The following EDA variants were observed in gnomAD, a reference collection of about 807,000 sequenced individuals.
EDA encodes the protein ectodysplasin-A.
A neutral mutation model predicts 23.6 loss-of-function variants in EDA; 2 were observed. The observed-to-expected ratio is 0.08, with a 90% CI of 0.03 to 0.27. The LOEUF (loss-of-function observed/expected upper bound fraction) is 0.27. EDA is among the 10% of genes least tolerant of loss of function. EDA has a pLI of 1.00. For missense variants in EDA, 229 were observed against 324.2 expected, an observed-to-expected ratio of 0.71 and a Z score of 2.26; for synonymous variants, 131 against 132.0, an observed-to-expected ratio of 0.99 and a Z score of 0.05.
chrX:69,757,727 C>T (rs1040561534), intron 1 of EDA, among the ~76,000 whole-genome samples: 3 of 111,757 alleles, frequency 2.7e-5, no homozygotes, highest in African/African-American at 9.8e-5. Context: ...TGTGTCAAGA[C>T]GTCATTTTAA....
chrX:69,715,901 A>G (rs1172340339), intron 1 of EDA, among the ~76,000 whole-genome samples: 3 of 110,984 alleles, frequency 2.7e-5, no homozygotes, highest in African/African-American at 9.8e-5. Context: ...GTGTCTGTTC[A>G]TGTCCTTTGC....
intron 1 of EDA, among the ~76,000 whole-genome samples, chrX:69,648,392 G>A (rs1050246377): frequency 2.7e-5 from 3 of 112,114 alleles, no homozygotes; most frequent in South Asian, 7.5e-4. Flanking sequence ...CCTGGCTGCA[G>A]TGGCTGAAGC....
At chrX:69,798,940 C>T (rs1427681390) in intron 1 of EDA, among the ~76,000 whole-genome samples, 1 of 111,596 alleles carries the variant, frequency 9.0e-6, no homozygotes, top group Non-Finnish European at 1.9e-5. Flanking sequence ...CATTACCTGA[C>T]TTAAAATTAT....
intron 1 of EDA, among the ~76,000 whole-genome samples, chrX:69,747,771 G>A (rs1602360975): frequency 8.9e-6 from 1 of 111,848 alleles, no homozygotes; most frequent in East Asian, 2.8e-4. Context: ...AGAAAAGACT[G>A]TTTTCCTTTC....
intron 1 of EDA, among the ~76,000 whole-genome samples, chrX:69,762,205 A>G (rs936952799): frequency 3.6e-5 from 4 of 111,613 alleles, no homozygotes; most frequent in African/African-American, 1.3e-4. Context: ...ATTTTTCGTG[A>G]ATAGTAGTCT....
chrX:69,848,289 A>G (rs1332026737), intron 1 of EDA, among the ~76,000 whole-genome samples: 4 of 111,598 alleles, frequency 3.6e-5, no homozygotes, highest in African/African-American at 1.3e-4. Flanking sequence ...GCATTGGTCT[A>G]TAGTACTGAC....
chrX:69,846,334 G>T (rs1261980915), intron 1 of EDA, among the ~76,000 whole-genome samples: 2 of 110,822 alleles, frequency 1.8e-5, no homozygotes, highest in East Asian at 2.8e-4. Context: ...TTGCTCTGTC[G>T]CCCAGGCTGG....
At chrX:69,974,806 G>T (rs1263964087) in intron 2 of EDA, among the ~76,000 whole-genome samples, 1 of 111,468 alleles carries the variant, frequency 9.0e-6, no homozygotes, top group Non-Finnish European at 1.9e-5. Flanking sequence ...ATGGGCAAAA[G>T]ATATGAACAG....
chrX:69,850,741 G>A (rs1379848634), intron 1 of EDA, among the ~76,000 whole-genome samples: 2 of 112,018 alleles, frequency 1.8e-5, no homozygotes, highest in Non-Finnish European at 3.8e-5. Flanking sequence ...TCCATTGTCT[G>A]GCCACTGCCT....
chrX:69,926,357 T>C (rs1035720738), intron 1 of EDA, among the ~76,000 whole-genome samples: 18 of 111,714 alleles, frequency 1.6e-4, no homozygotes, highest in African/African-American at 5.5e-4. Flanking sequence ...GTACATTGTC[T>C]CTTTGTTCTC....
intron 1 of EDA, among the ~76,000 whole-genome samples, chrX:69,859,732 A>G (rs899846620): frequency 9.0e-6 from 1 of 111,548 alleles, no homozygotes; most frequent in Non-Finnish European, 1.9e-5. Context: ...GTGGATATCT[A>G]TCAGGTTCAT....
At chrX:69,789,496 C>A (rs1294868187) in intron 1 of EDA, among the ~76,000 whole-genome samples, 1 of 112,084 alleles carries the variant, frequency 8.9e-6, no homozygotes, top group Non-Finnish European at 1.9e-5. Context: ...AGGCTCTGCA[C>A]CAGCTGTATC....
At chrX:69,828,964 A>C (rs2016538507) in intron 1 of EDA, among the ~76,000 whole-genome samples, 1 of 111,863 alleles carries the variant, frequency 8.9e-6, no homozygotes, top group African/African-American at 3.2e-5. Context: ...TCTCATCTCA[A>C]ATGCCATCGT....
In EDA at chrX:69,855,448, G is replaced by A. The variant is rs1004781533; in HGVS notation, c.397-101579G>A. On this transcript the variant is annotated intron_variant, in intron 1 of 7. Coordinates refer to ENST00000374552, the MANE Select transcript of EDA (RefSeq NM_001399.5). ...TCTTCCAGGGTTTGTGTAGTTTTGG[G>A]TTTTACATTTAAGTCTTTAATCCAT... Among the ~76,000 whole-genome samples, 29 of 111,882 alleles carry A rather than the reference G, an allele frequency of 2.6e-4. 1 individual carries two copies.
intron 1 of EDA, among the ~76,000 whole-genome samples, chrX:69,913,889 G>A (rs1256005465): frequency 9.0e-6 from 1 of 111,485 alleles, no homozygotes. Context: ...AAGGCCTGAG[G>A]AGAGGCAAAG....
At position 70,013,813 on chromosome X, in the gene EDA, A is replaced by G. The variant is rs188807434; in HGVS notation, c.503-9405A>G. ...CTGCTCTCTGACTGGAAAAGGAACT[A>G]AGATCCTGAGTGCTTTACTCACACC... is the stretch of plus-strand genomic sequence containing the variant. On this transcript the variant is annotated intron_variant, in intron 2 of 7. Transcript: ENST00000374552. Among the ~76,000 whole-genome samples the G allele has an allele frequency of 3.5e-3, 395 of 111,398 alleles. 7 individuals carry two copies. The highest frequency in any genetic ancestry group is 0.035 in the Admixed American group (366 of 10,569).
intron 1 of EDA, among the ~76,000 whole-genome samples, chrX:69,752,210 G>C (rs917398091): frequency 9.0e-6 from 1 of 111,079 alleles, no homozygotes; most frequent in Non-Finnish European, 1.9e-5. Flanking sequence ...ATTGGCTGTG[G>C]GTTTTTCATT....
chrX:70,023,867 C>T (rs2020074206), intron 3 of EDA, among the ~76,000 whole-genome samples: 2 of 111,653 alleles, frequency 1.8e-5, no homozygotes, highest in South Asian at 3.8e-4. Flanking sequence ...TGGAGTAGTA[C>T]CCTGACCATT....
rs371948574 is a variant in EDA, at chrX:69,616,487, G to A, written c.179G>A (p.Cys60Tyr). 8 of 1,210,680 alleles carry A rather than the reference G, an allele frequency of 6.6e-6. No homozygotes were observed. In the African/African-American group the frequency reaches 1.2e-4, roughly 18 times the overall value. The change falls in exon 1 of 8, where the codon TGC becomes TAC. Residue 60 changes from cysteine (C) to tyrosine (Y), a missense_variant. Cys to Tyr is a radical substitution (Grantham distance 194). Around this residue, in one of 2 missense-constraint regions of EDA, gnomAD observed 175 missense variants for 281.8 expected, o/e 0.62. Transcript: ENST00000374552. ...GCCCTCCACCTGCTGACGTTGTGCT[G>A]CTACCTAGAGTTGCGCTCGGAGTTG... is the stretch of plus-strand genomic sequence containing the variant. The part of the protein sequence containing the change: ...SLALHLLTLC[C>Y]YLELRSELRR...
Sources: gnomAD v4.1 joint callset for allele counts (sites outside exome capture counted in the v4.1 genomes callset) on GRCh38, gnomAD v4.1.1 for gene constraint, gnomAD v4.1.1 regional missense constraint, MANE v1.5 for transcripts, NCBI Gene and HGNC (gene_info 2026-07-23, HGNC 2026-07-21) for gene names.